The following RHBDL2 variants were observed in gnomAD, a reference collection of about 807,000 sequenced individuals.
The protein encoded by RHBDL2 is rhomboid like 2.
RHBDL2 carries 26 observed loss-of-function variants against 31.7 expected under a neutral mutation model. The ratio of observed to expected loss-of-function variants is 0.82; its 90% confidence interval spans 0.60 to 1.14. The LOEUF (loss-of-function observed/expected upper bound fraction) is 1.14. RHBDL2 is among the 50% of genes most tolerant of loss of function. The probability of loss-of-function intolerance (pLI) is 0.00; values close to 1 mark genes in which losing one functional copy is unlikely to be tolerated. For missense variants in RHBDL2, 336 were observed against 364.4 expected (o/e 0.92, Z 0.63); for synonymous variants, 123 against 127.2 (o/e 0.97, Z 0.22).
intron 1 of RHBDL2, among the ~76,000 whole-genome samples, chr1:38,927,994 A>C (rs1643396567): frequency 1.3e-5 from 2 of 152,258 alleles, no homozygotes; most frequent in Admixed American, 1.3e-4. Flanking sequence ...ATTTCTACGC[A>C]CCAAGTGTTA....
At chr1:38,924,150 G>A (rs1368339311) in intron 1 of RHBDL2, among the ~76,000 whole-genome samples, 1 of 151,468 alleles carries the variant, frequency 6.6e-6, no homozygotes, top group Admixed American at 6.6e-5. Context: ...TCCCCATGTT[G>A]TCCAGGCTAG....
chr1:38,919,414 A>C (rs7522863), intron 1 of RHBDL2, 77 bp from the exon 2 acceptor site: 1,303,507 of 1,387,684 alleles, frequency 0.94, 614,417 homozygotes, highest in Non-Finnish European at 0.96. Flanking sequence ...AAAGTTTTCT[A>C]TGTAATTGTT....
At chr1:38,927,376 G>A (rs1427168461) in intron 1 of RHBDL2, among the ~76,000 whole-genome samples, 4 of 152,178 alleles carry the variant, frequency 2.6e-5, no homozygotes, top group East Asian at 1.9e-4. Flanking sequence ...GCGGTGAGCC[G>A]AGATCGCGCC....
rs142566904 is a variant in RHBDL2, at chr1:38,888,070, G to A, written c.671-46C>T. 1.8e-5 allele frequency: 24 copies of A among 1,315,240 alleles called. No individual in the cohort carries two copies. In the Admixed American group the frequency reaches 1.9e-4, roughly 10 times the overall value. The allele number at this position is 1,315,240 out of a possible 1,614,324, so 81.5% of individuals were successfully genotyped here. On this transcript the variant is annotated intron_variant, in intron 6 of 7. Coordinates refer to ENST00000372990, the MANE Select transcript of RHBDL2 (RefSeq NM_017821.5). ...ATAAAGGCTCAGAATCTCCACAGTA[G>A]TACACCAAATGTTTTTGGTTCCCCT...
chr1:38,919,056 TC>T lies in RHBDL2; in HGVS notation c.156del (p.Trp52Ter). 6.2e-7 allele frequency: 1 copy of T among 1,614,166 alleles called. No individual in the cohort carries two copies. Reference protein sequence around the residue: ...SKKVHRIVSKWMLPEKSRGTY... With the variant: ...SKKVHRIVSKXMLPEKSRGTY... ...GTTCCTCGGGACTTTTCGGGCAGCA[TC>T]CATTTTGAGACAATCCTGTGGACCT... On this transcript the variant is annotated frameshift_variant, in exon 2 of 8. Transcript: ENST00000372990. LOFTEE classifies it high-confidence loss of function.
At chr1:38,926,192 T>C in intron 1 of RHBDL2, 2 of 1,091,834 alleles carry the variant, frequency 1.8e-6, no homozygotes, top group South Asian at 2.4e-5. Context: ...AGGCTGGAGG[T>C]GAGGATGGAA....
At chr1:38,915,472 G>A (rs1557617142) in intron 3 of RHBDL2, 90 bp downstream of exon 3, 2 of 1,314,372 alleles carry the variant, frequency 1.5e-6, no homozygotes, top group East Asian at 2.3e-5. Context: ...ACATGAAAGT[G>A]CCTTATCAAT....
At chr1:38,929,059 G>A (rs905609911) in intron 1 of RHBDL2, among the ~76,000 whole-genome samples, 8 of 152,068 alleles carry the variant, frequency 5.3e-5, no homozygotes, top group South Asian at 2.1e-4. Context: ...GTGACAGAGC[G>A]AAACCCTGTC....
intron 1 of RHBDL2, among the ~76,000 whole-genome samples, chr1:38,922,819 CA>C (rs1643331351): frequency 6.6e-6 from 1 of 152,152 alleles, no homozygotes; most frequent in Admixed American, 6.6e-5. Context: ...AGGCCGGGCA[CA>C]GTGGCTCATG....
intron 4 of RHBDL2, among the ~76,000 whole-genome samples, chr1:38,899,352 C>T (rs780466082): frequency 6.6e-6 from 1 of 152,198 alleles, no homozygotes. Context: ...ACCTTGGTCC[C>T]CTGCCCTCGT....
rs758745269 is a variant in RHBDL2 at position 38,896,004 on chromosome 1, C to A, written c.574G>T (p.Ala192Ser). The change falls in exon 5 of 8, where the codon GCT becomes TCT. Residue 192 changes from alanine to serine, a missense_variant. Coordinates refer to ENST00000372990, the MANE Select transcript of RHBDL2 (RefSeq NM_017821.5). ...TTCATAAAATAGCCTCCCATCAGAG[C>A]ATAGACTCCTCCTGAAGCTCCCACA... ...YLVGASGGVY[A>S]LMGGYFMNVL... The A allele has an allele frequency of 1.9e-6, 3 of 1,613,828 alleles. No individual in the cohort carries two copies. The highest frequency in any genetic ancestry group is 8.5e-7 in the Non-Finnish European group (1 of 1,179,820).
Position 38,887,215 on chromosome 1 carries a change from T to G in RHBDL2, c.733-532A>C, listed in dbSNP as rs1056914596. 4.6e-5 allele frequency among the ~76,000 whole-genome samples: 7 copies of G among 152,322 alleles called. No individual in the cohort carries two copies. The East Asian group carries it at 1.2e-3, about 25-fold the overall frequency. On this transcript the variant is annotated intron_variant, in intron 7 of 7. Coordinates refer to ENST00000372990, the MANE Select transcript of RHBDL2 (RefSeq NM_017821.5). ...ATTGCTGTTTTCCAATCTGTTTTTT[T>G]GTTTTGTTTTGTTTTTTGAAATGGG... is the stretch of plus-strand genomic sequence containing the variant.
chr1:38,910,832 G>A (rs9438991), intron 4 of RHBDL2, among the ~76,000 whole-genome samples: 51,848 of 147,888 alleles, frequency 0.35, 10,446 homozygotes, highest in Non-Finnish European at 0.45. Flanking sequence ...AGTGTGGAGT[G>A]CAGTGGCACA....
At chr1:38,891,962 T>C (rs899635048) in intron 6 of RHBDL2, among the ~76,000 whole-genome samples, 1 of 152,194 alleles carries the variant, frequency 6.6e-6, no homozygotes, top group African/African-American at 2.4e-5. Context: ...TCAACACCAG[T>C]TACCACCCCC....
rs576378633 is a variant in RHBDL2 at position 38,895,390 on chromosome 1, C to T, written c.609+579G>A. On this transcript the variant is annotated intron_variant, in intron 5 of 7. Transcript: ENST00000372990. ...AAAAAATATATAAAACTGTTAACAACGTCTTTCACCACCCACCCAACTGTT... is the reference window on the plus strand; with the variant it reads ...AAAAAATATATAAAACTGTTAACAATGTCTTTCACCACCCACCCAACTGTT... Among the ~76,000 whole-genome samples, 198 of 151,990 alleles carry T rather than the reference C, an allele frequency of 1.3e-3. 3 individuals carry two copies. The highest frequency in any genetic ancestry group is 1.1e-3 in the Non-Finnish European group (72 of 68,012).
intron 1 of RHBDL2, among the ~76,000 whole-genome samples, chr1:38,922,872 A>T (rs557298053): frequency 6.6e-6 from 1 of 152,264 alleles, no homozygotes; most frequent in South Asian, 2.1e-4. Flanking sequence ...TCGGTGGATC[A>T]CCTGAGGTCA....
chr1:38,932,796 C>T (rs1643452584), intron 1 of RHBDL2, among the ~76,000 whole-genome samples: 1 of 152,150 alleles, frequency 6.6e-6, no homozygotes, highest in Admixed American at 6.6e-5. Flanking sequence ...TGATCTGTTA[C>T]ACAGTAATAG....
chr1:38,886,729 A>G (rs1230410182), intron 7 of RHBDL2, 46 bp from the exon 8 acceptor site: 1 of 1,384,818 alleles, frequency 7.2e-7, no homozygotes. Flanking sequence ...AGACAATGCT[A>G]ATTGTGTATT....
rs1161461009 is a variant in RHBDL2 at position 38,919,016 on chromosome 1, G to T, written c.197C>A (p.Ala66Asp). Residue 66 changes from alanine to aspartate, a missense_variant, in exon 2 of 8, where the codon GCT (alanine) becomes GAT (aspartate). Coordinates refer to ENST00000372990, the MANE Select transcript of RHBDL2 (RefSeq NM_017821.5). ...EKSRGTYLER[A>D]NCFPPPVFII... ...GAACACGGGAGGCGGGAAGCAGTTA[G>T]CTCTCTCCAAGTATGTTCCTCGGGA... 6.2e-7 allele frequency: 1 copy of T among 1,613,982 alleles called. No homozygotes were observed. Among genetic ancestry groups the T allele is most frequent in the African/African-American group, 1.3e-5 (1 of 74,904 alleles).
Sources: gnomAD v4.1 joint callset for allele counts (sites outside exome capture counted in the v4.1 genomes callset) on GRCh38, gnomAD v4.1.1 for gene constraint, MANE v1.5 for transcripts, NCBI Gene and HGNC (gene_info 2026-07-23, HGNC 2026-07-21) for gene names.